Variants in RBM20 observed in about 807,000 individuals in gnomAD.
The protein encoded by RBM20 is RNA binding motif protein 20, also known as RNA-binding protein 20.
A neutral mutation model predicts 110.1 loss-of-function variants in RBM20; 51 were observed. The ratio of observed to expected loss-of-function variants is 0.46; its 90% CI spans 0.37 to 0.59. RBM20 has a LOEUF of 0.59. Among genes scored for constraint, RBM20 ranks in the 20% least tolerant of loss-of-function variants. The pLI is 0.00. For synonymous variants in RBM20, 589 were observed against 618.2 expected, an observed-to-expected ratio of 0.95 and a Z score of 0.70; for missense variants, 1,512 against 1,574.9, an observed-to-expected ratio of 0.96 and a Z score of 0.68.
At chr10:110,726,916 G>A (rs963296962) in intron 1 of RBM20, among the ~76,000 whole-genome samples, 2 of 152,132 alleles carry the variant, frequency 1.3e-5, no homozygotes, top group African/African-American at 4.8e-5. Flanking sequence ...GTGCAACCTT[G>A]GCTCACTGCA....
At chr10:110,726,667 ACTT>A (rs1344587779) in intron 1 of RBM20, among the ~76,000 whole-genome samples, 4 of 152,146 alleles carry the variant, frequency 2.6e-5, no homozygotes, top group African/African-American at 9.7e-5. Flanking sequence ...AACCACTTCC[ACTT>A]CTGATGCCAG....
In RBM20 at chr10:110,789,429, ATTTTC is replaced by A. The variant is rs975247269; in HGVS notation, c.1527+4551_1527+4555del. On this transcript the variant is annotated intron_variant, in intron 5 of 13. Coordinates refer to ENST00000369519, the MANE Select transcript of RBM20 (RefSeq NM_001134363.3). ...TTTTTGTTTAGGTTTTTTTTTTCTC[ATTTTC>A]TTTTCTTTTCCTTTTTATTGTTATT... Among the ~76,000 whole-genome samples the A allele has an allele frequency of 3.5e-5, 5 of 142,580 alleles. No homozygotes were observed. The East Asian group carries it at 6.2e-4, about 18-fold the overall frequency. 93.5% of individuals were successfully genotyped at this position (142,580 alleles called of 152,430 possible).
Position 110,781,877 on chromosome 10 carries a change from A to G in RBM20, c.1268A>G (p.Asp423Gly). ...ICSICDKKVF[D>G]LKDWELHVKG... ...AGCATCTGTGACAAGAAGGTGTTTG[A>G]TTTGAAGGTGAGTTGTCCAAGACAG... The change falls in exon 2 of 14, where the codon GAT becomes GGT. Residue 423 changes from aspartate (D) to glycine (G), a missense_variant. By Grantham distance (94) the Asp-to-Gly change is moderately conservative. Transcript: ENST00000369519. 6.4e-7 allele frequency: 1 copy of G among 1,551,730 alleles called. No individual in the cohort carries two copies. The highest frequency in any genetic ancestry group is 8.7e-7 in the Non-Finnish European group (1 of 1,147,010).
At chr10:110,816,635 C>T (rs982815889) in intron 9 of RBM20, among the ~76,000 whole-genome samples, 3 of 152,088 alleles carry the variant, frequency 2.0e-5, no homozygotes, top group East Asian at 1.9e-4. Flanking sequence ...CTATTGTCAC[C>T]CCCAGCTCCA....
At chr10:110,764,401 T>A (rs943996225) in intron 1 of RBM20, among the ~76,000 whole-genome samples, 3 of 152,236 alleles carry the variant, frequency 2.0e-5, no homozygotes, top group African/African-American at 7.2e-5. Context: ...CCTAGATCCC[T>A]TCTTCTGAAG....
intron 7 of RBM20, among the ~76,000 whole-genome samples, chr10:110,805,525 A>G (rs535807170): frequency 5.3e-5 from 8 of 152,350 alleles, no homozygotes; most frequent in Non-Finnish European, 7.3e-5. Flanking sequence ...ATGTTGGCCA[A>G]GCACTCTGTG....
intron 5 of RBM20, among the ~76,000 whole-genome samples, chr10:110,787,504 C>T (rs371970224): frequency 8.5e-5 from 13 of 152,324 alleles, no homozygotes; most frequent in African/African-American, 2.9e-4. Context: ...AGGATTTTGT[C>T]CGAGTCTTGG....
chr10:110,829,673 G>A (rs1845024288), intron 12 of RBM20, among the ~76,000 whole-genome samples: 1 of 152,178 alleles, frequency 6.6e-6, no homozygotes, highest in Non-Finnish European at 1.5e-5. Flanking sequence ...GGTCTCCTAG[G>A]CACTTAGCTC....
Position 110,644,751 on chromosome 10 carries a change from C to G in RBM20, c.191+106C>G. The G allele has an allele frequency of 2.2e-6, 2 of 894,296 alleles. No individual in the cohort carries two copies. Among genetic ancestry groups the G allele is most frequent in the African/African-American group, 1.8e-5 (1 of 56,340 alleles). 55.4% of individuals were successfully genotyped at this position (894,296 alleles called of 1,614,324 possible). The stretch of plus-strand genomic sequence containing the variant: ...GTCCCTGCTGAACTTCGCTCGCCCC[C>G]CTTGGGTTTGAAGTTTTCTCGTACC... On this transcript the variant is annotated intron_variant, in intron 1 of 13. Coordinates refer to ENST00000369519, the MANE Select transcript of RBM20 (RefSeq NM_001134363.3). This position sits in a 1 kb window ranked among gnomAD's most constrained non-coding sequence, Gnocchi z 4.3.
At chr10:110,779,981 A>T (rs1844315947) in intron 1 of RBM20, among the ~76,000 whole-genome samples, 1 of 150,848 alleles carries the variant, frequency 6.6e-6, no homozygotes, top group Admixed American at 6.6e-5. Flanking sequence ...CATGTCATTA[A>T]AGTGGTTTTG....
chr10:110,708,580 A>G (rs1862876717), intron 1 of RBM20, among the ~76,000 whole-genome samples: 1 of 152,214 alleles, frequency 6.6e-6, no homozygotes, highest in African/African-American at 2.4e-5. Context: ...AGGTGAAATA[A>G]AACCTTATTT....
Position 110,781,757 on chromosome 10 carries a change from AG to A in RBM20, c.1150del (p.Glu384ArgfsTer16). On this transcript the variant is annotated frameshift_variant, in exon 2 of 14. Coordinates refer to ENST00000369519, the MANE Select transcript of RBM20 (RefSeq NM_001134363.3). LOFTEE classifies it high-confidence loss of function. Reference protein sequence around the residue: ...QGFIGAGRRAKEDQALLSVRP... With the variant: ...QGFIGAGRRAXEDQALLSVRP... ...TTTATCGGTGCTGGGCGGAGGGCCAAGGAGGACCAGGCGTTGCTATCTGTGC... is the reference window on the plus strand; with the variant it reads ...TTTATCGGTGCTGGGCGGAGGGCCAAGAGGACCAGGCGTTGCTATCTGTGC... The A allele has an allele frequency of 6.4e-7, 1 of 1,551,854 alleles. No homozygotes were observed. The highest frequency in any genetic ancestry group is 2.4e-5 in the East Asian group (1 of 40,918).
At chr10:110,706,988 T>C (rs1862850515) in intron 1 of RBM20, among the ~76,000 whole-genome samples, 1 of 152,210 alleles carries the variant, frequency 6.6e-6, no homozygotes, top group South Asian at 2.1e-4. Flanking sequence ...AACGCTTAAA[T>C]GACCCAGGGA....
intron 1 of RBM20, among the ~76,000 whole-genome samples, chr10:110,740,332 A>AT (rs1165315895): frequency 1.3e-5 from 2 of 151,932 alleles, no homozygotes; most frequent in Non-Finnish European, 1.5e-5. Context: ...AGAAAACAAC[A>AT]TTTTTTTTAA....
intron 1 of RBM20, among the ~76,000 whole-genome samples, chr10:110,760,663 G>A (rs929827124): frequency 2.0e-5 from 3 of 149,980 alleles, no homozygotes; most frequent in East Asian, 2.0e-4. Context: ...GACTGGTCTC[G>A]AACTCCTCAT....
intron 1 of RBM20, among the ~76,000 whole-genome samples, chr10:110,778,303 T>G (rs1238242754): frequency 6.6e-6 from 1 of 152,242 alleles, no homozygotes; most frequent in Non-Finnish European, 1.5e-5. Flanking sequence ...TTTTTGATTT[T>G]TCATGCAAAT....
Position 110,820,087 on chromosome 10 carries a change from C to G in RBM20, c.2566C>G (p.Gln856Glu). 3 of 1,549,488 alleles carry G rather than the reference C, an allele frequency of 1.9e-6. No homozygotes were observed. Among genetic ancestry groups the G allele is most frequent in the Non-Finnish European group, 2.6e-6 (3 of 1,145,548 alleles). Residue 856 changes from glutamine to glutamate, a missense_variant, in exon 10 of 14, where the codon CAG becomes GAG. Coordinates refer to ENST00000369519, the MANE Select transcript of RBM20 (RefSeq NM_001134363.3). ...MAENEAGKEEQEGMEESPQSV... is the reference protein window; with the variant it reads ...MAENEAGKEEEEGMEESPQSV... ...CTTTGATAAGGCTGGAAAAGAGGAA[C>G]AGGAGGGCATGGAAGAAAGCCCTCA...
At chr10:110,760,425 C>CTTTTTTTTTTTTT (rs541027608) in intron 1 of RBM20, among the ~76,000 whole-genome samples, 17 of 57,818 alleles carry the variant, frequency 2.9e-4, no homozygotes, top group Non-Finnish European at 4.6e-4. Context: ...ATTCCATCAT[C>CTTTTTTTTTTTTT]TTTTTTTTTT....
At chr10:110,733,130 G>T (rs1239526730) in intron 1 of RBM20, among the ~76,000 whole-genome samples, 1 of 152,180 alleles carries the variant, frequency 6.6e-6, no homozygotes, top group Non-Finnish European at 1.5e-5. Flanking sequence ...GCTCTGAAAG[G>T]ATCCGTACAG....
Sources: allele counts gnomAD v4.1 joint callset (sites outside exome capture counted in the v4.1 genomes callset), GRCh38; gene constraint gnomAD v4.1.1; non-coding constraint Gnocchi (gnomAD v3.1); transcripts MANE v1.5; gene names NCBI Gene and HGNC (gene_info 2026-07-23, HGNC 2026-07-21).